The following ZZZ3 variants were observed in gnomAD, a reference collection of about 807,000 sequenced individuals.
ZZZ3 encodes the protein zinc finger ZZ-type containing 3, also known as ZZ-type zinc finger-containing protein 3.
A neutral mutation model predicts 95.2 loss-of-function variants in ZZZ3; 22 were observed. The observed-to-expected ratio is 0.23, with a 90% CI of 0.17 to 0.33. The LOEUF (loss-of-function observed/expected upper bound fraction) is 0.33. Among genes scored for constraint, ZZZ3 ranks in the 10% least tolerant of loss-of-function variants. ZZZ3 has a pLI of 1.00. For synonymous variants in ZZZ3, 335 were observed against 358.9 expected (o/e 0.93, Z 0.75); for missense variants, 885 against 1,066.5 (o/e 0.83, Z 2.37).
At chr1:77,599,234 GA>G (rs1404897296) in intron 5 of ZZZ3, among the ~76,000 whole-genome samples, 5 of 151,848 alleles carry the variant, frequency 3.3e-5, no homozygotes, top group African/African-American at 1.2e-4. Flanking sequence ...AACTTGTAAA[GA>G]AATTATTATA....
At chr1:77,619,502 A>G (rs1485125243) in intron 5 of ZZZ3, among the ~76,000 whole-genome samples, 2 of 152,150 alleles carry the variant, frequency 1.3e-5, no homozygotes, top group South Asian at 2.1e-4. Context: ...GACAACCACA[A>G]TCAAATTCTT....
chr1:77,667,341 ATACC>A (rs941089536), intron 1 of ZZZ3, among the ~76,000 whole-genome samples: 4 of 152,214 alleles, frequency 2.6e-5, no homozygotes, highest in Non-Finnish European at 5.9e-5. Context: ...ATCATGTAAC[ATACC>A]AAGGAATAAA....
chr1:77,567,413 G>GA (rs1304748194), intron 13 of ZZZ3, among the ~76,000 whole-genome samples: 6 of 152,118 alleles, frequency 3.9e-5, no homozygotes, highest in Admixed American at 3.3e-4. Context: ...CAAACCCACT[G>GA]CTTTCCTAAA....
chr1:77,576,057 G>T lies in ZZZ3; in HGVS notation c.2331+11C>A. 1 of 1,598,420 alleles carries T rather than the reference G, an allele frequency of 6.3e-7. No homozygotes were observed. The highest frequency in any genetic ancestry group is 8.5e-7 in the Non-Finnish European group (1 of 1,174,534). On this transcript the variant is annotated intron_variant, in intron 12 of 14. Transcript: ENST00000370801. ...CTTGATGTATATAACAACTTGATGT[G>T]TATAACTTACTGATGCATCTTCAAC...
rs10597366 is a variant in ZZZ3 at position 77,618,233 on chromosome 1, C to CTT, written c.1505+13615_1505+13616dup. Among the ~76,000 whole-genome samples the CTT allele has an allele frequency of 2.8e-3, 223 of 81,076 alleles. 20 individuals are homozygous for CTT. Among genetic ancestry groups the CTT allele is most frequent in the South Asian group, 0.011 (21 of 1,850 alleles). The allele number at this position is 81,076 out of a possible 152,430, so 53.2% of individuals were successfully genotyped here. Reference sequence around the variant, plus strand: ...CTCTAGAAGAGTAGACCAATGCAGCCTTTTTTTTTTTTTTTTTTTTTTTTT... The same window carrying CTT: ...CTCTAGAAGAGTAGACCAATGCAGCCTTTTTTTTTTTTTTTTTTTTTTTTTTT... On this transcript the variant is annotated intron_variant, in intron 5 of 14. Transcript: ENST00000370801.
intron 1 of ZZZ3, among the ~76,000 whole-genome samples, chr1:77,661,055 C>CAAA (rs201335878): frequency 5.0e-5 from 4 of 80,390 alleles, no homozygotes; most frequent in Admixed American, 4.2e-4. Context: ...TGCTTTAACG[C>CAAA]AAAAAAAAAA....
chr1:77,663,008 C>T (rs558625597), intron 1 of ZZZ3, among the ~76,000 whole-genome samples: 5 of 151,754 alleles, frequency 3.3e-5, no homozygotes, highest in South Asian at 2.1e-4. Context: ...GGGAGGCTGA[C>T]GTGAAAAGAT....
At chr1:77,670,275 G>T (rs902381155) in intron 1 of ZZZ3, among the ~76,000 whole-genome samples, 23 of 150,722 alleles carry the variant, frequency 1.5e-4, no homozygotes, top group African/African-American at 2.2e-4. Context: ...TTTTTTTTGG[G>T]GGGGGGCAGA....
chr1:77,620,655 G>A (rs1666768855), intron 5 of ZZZ3, among the ~76,000 whole-genome samples: 2 of 152,160 alleles, frequency 1.3e-5, no homozygotes, highest in South Asian at 2.1e-4. Flanking sequence ...AGGAAAAAAC[G>A]TGAATATTCA....
intron 6 of ZZZ3, 80 bp downstream of exon 6, chr1:77,584,437 C>A: frequency 7.2e-7 from 1 of 1,391,766 alleles, no homozygotes. Context: ...AGTATATACC[C>A]ATAAAAAAGA....
chr1:77,627,414 T>C (rs949854417), intron 5 of ZZZ3, among the ~76,000 whole-genome samples: 1 of 152,124 alleles, frequency 6.6e-6, no homozygotes, highest in African/African-American at 2.4e-5. Flanking sequence ...TCCTGGAGTT[T>C]TTCTGGCCCC....
intron 5 of ZZZ3, among the ~76,000 whole-genome samples, chr1:77,586,803 C>G (rs1224356937): frequency 6.6e-6 from 1 of 152,158 alleles, no homozygotes; most frequent in Non-Finnish European, 1.5e-5. Flanking sequence ...TACTCAGACA[C>G]TGCACCAGTA....
chr1:77,597,692 T>C (rs1664341739), intron 5 of ZZZ3, among the ~76,000 whole-genome samples: 1 of 152,064 alleles, frequency 6.6e-6, no homozygotes, highest in Non-Finnish European at 1.5e-5. Flanking sequence ...GCATCTGTAA[T>C]ACCTGACTAG....
intron 14 of ZZZ3, 34 bp from the exon 15 acceptor site, chr1:77,565,818 G>A (rs776887346): frequency 1.3e-6 from 2 of 1,584,438 alleles, no homozygotes; most frequent in Non-Finnish European, 1.7e-6. Flanking sequence ...TCATTACATG[G>A]TAGTGGATGC....
intron 1 of ZZZ3, among the ~76,000 whole-genome samples, chr1:77,665,955 C>T (rs1476917319): frequency 6.6e-6 from 1 of 152,162 alleles, no homozygotes; most frequent in Non-Finnish European, 1.5e-5. Flanking sequence ...GCAGGAGAAT[C>T]GCTTGAACCC....
At chr1:77,573,618 A>C (rs1315741014) in intron 12 of ZZZ3, among the ~76,000 whole-genome samples, 1 of 152,246 alleles carries the variant, frequency 6.6e-6, no homozygotes, top group Non-Finnish European at 1.5e-5. Flanking sequence ...AAAGTATGAA[A>C]TTATACACAA....
At chr1:77,647,095 T>C (rs777066366) in intron 1 of ZZZ3, among the ~76,000 whole-genome samples, 14 of 152,184 alleles carry the variant, frequency 9.2e-5, no homozygotes, top group Admixed American at 2.6e-4. Context: ...TCCTAGTTTA[T>C]AGGGTTACTA....
At chr1:77,578,353 T>C (rs1229086838) in intron 11 of ZZZ3, among the ~76,000 whole-genome samples, 1 of 152,160 alleles carries the variant, frequency 6.6e-6, no homozygotes, top group Non-Finnish European at 1.5e-5. Context: ...GGACAACAGG[T>C]GCACACCACT....
chr1:77,606,937 A>T (rs577562870), intron 5 of ZZZ3, among the ~76,000 whole-genome samples: 2 of 152,350 alleles, frequency 1.3e-5, no homozygotes, highest in African/African-American at 4.8e-5. Flanking sequence ...ATGTCCAAGC[A>T]TCTACTACAA....
Sources: gnomAD v4.1 joint callset for allele counts (sites outside exome capture counted in the v4.1 genomes callset) on GRCh38, gnomAD v4.1.1 for gene constraint, MANE v1.5 for transcripts, NCBI Gene and HGNC (gene_info 2026-07-23, HGNC 2026-07-21) for gene names.